IMMP1L: variants seen among roughly 807,000 people sequenced by gnomAD.
The protein encoded by IMMP1L is inner mitochondrial membrane peptidase subunit 1.
In IMMP1L, 24 loss-of-function variants were observed where a neutral mutation model predicts 21.8. The ratio of observed to expected loss-of-function variants is 1.10; its 90% confidence interval spans 0.80 to 1.55. The LOEUF (loss-of-function observed/expected upper bound fraction) is 1.55. Among genes scored for constraint, IMMP1L ranks in the 40% most tolerant of loss-of-function variants. IMMP1L has a pLI of 0.00. For missense variants in IMMP1L, 195 were observed against 200.7 expected (o/e 0.97, Z 0.17); for synonymous variants, 46 against 62.8 (o/e 0.73, Z 1.26).
chr11:31,448,173 G>T (rs1953602393), intron 4 of IMMP1L, among the ~76,000 whole-genome samples: 1 of 152,176 alleles, frequency 6.6e-6, no homozygotes, highest in Non-Finnish European at 1.5e-5. Flanking sequence ...GCCGGGCATG[G>T]TGGCAAGCGC....
rs1401444522 is a variant in IMMP1L, at chr11:31,455,292, G to T, written c.321+968C>A. Among the ~76,000 whole-genome samples the T allele has an allele frequency of 2.0e-5, 3 of 152,132 alleles. No individual in the cohort carries two copies. In the East Asian group the frequency reaches 5.8e-4, roughly 29 times the overall value. ...AGATAATGTTAGTTAACAAACAGCT[G>T]CATTAATAATTTGATAGTGACACAG... On this transcript the variant is annotated intron_variant, in intron 4 of 5. Coordinates refer to ENST00000532287, the MANE Select transcript of IMMP1L (RefSeq NM_001304274.2).
chr11:31,453,092 C>A (rs767437170), intron 4 of IMMP1L: 85 of 1,289,174 alleles, frequency 6.6e-5, no homozygotes, highest in Non-Finnish European at 8.4e-5. Context: ...TTTCCAAATA[C>A]CTAACAGTAA....
chr11:31,500,608 CACAA>C (rs1422237800), intron 1 of IMMP1L, among the ~76,000 whole-genome samples: 2,584 of 149,556 alleles, frequency 0.017, 56 homozygotes, highest in African/African-American at 0.054. Flanking sequence ...CACACACACA[CACAA>C]ACACACACAC....
intron 1 of IMMP1L, among the ~76,000 whole-genome samples, chr11:31,465,173 G>A (rs1401678658): frequency 6.6e-6 from 1 of 151,528 alleles, no homozygotes; most frequent in East Asian, 1.9e-4. Flanking sequence ...AAATCAATGG[G>A]ATCAATAAAG....
chr11:31,472,490 C>G (rs570766906), intron 1 of IMMP1L, among the ~76,000 whole-genome samples: 1 of 152,282 alleles, frequency 6.6e-6, no homozygotes, highest in East Asian at 1.9e-4. Flanking sequence ...CAGTCATTTA[C>G]TACTTTGTGT....
intron 3 of IMMP1L, among the ~76,000 whole-genome samples, chr11:31,460,134 G>A (rs1476221143): frequency 1.3e-5 from 2 of 151,986 alleles, no homozygotes; most frequent in East Asian, 1.9e-4. Flanking sequence ...TCCAGCCTGG[G>A]AGCCAGAGCA....
chr11:31,441,996 AGACT>A (rs1173352376), intron 4 of IMMP1L, among the ~76,000 whole-genome samples: 1 of 152,186 alleles, frequency 6.6e-6, no homozygotes, highest in Non-Finnish European at 1.5e-5. Context: ...TGAATGCATA[AGACT>A]GAATATATGA....
chr11:31,477,152 T>A (rs556317667), intron 1 of IMMP1L: 1 of 152,296 alleles, frequency 6.6e-6, no homozygotes, highest in African/African-American at 2.4e-5. Context: ...ATTTCATCAG[T>A]AGCAACTGAA....
intron 1 of IMMP1L, among the ~76,000 whole-genome samples, chr11:31,479,892 T>C (rs994604314): frequency 6.6e-6 from 1 of 151,996 alleles, no homozygotes; most frequent in African/African-American, 2.4e-5. Flanking sequence ...TAGATAAGCT[T>C]AGTAAAGAAA....
At chr11:31,485,441 T>A (rs926363025) in intron 1 of IMMP1L, among the ~76,000 whole-genome samples, 11 of 151,846 alleles carry the variant, frequency 7.2e-5, no homozygotes, top group African/African-American at 2.7e-4. Context: ...GTTGCATATA[T>A]ATTAGACAGA....
chr11:31,444,464 A>G (rs1953446260), intron 4 of IMMP1L, among the ~76,000 whole-genome samples: 1 of 152,210 alleles, frequency 6.6e-6, no homozygotes, highest in Non-Finnish European at 1.5e-5. Context: ...CTTGAATCCA[A>G]TATAATTAAA....
chr11:31,463,235 G>T lies in IMMP1L; in HGVS notation c.42C>A (p.Gly14=). 6.2e-7 allele frequency: 1 copy of T among 1,612,610 alleles called. No homozygotes were observed. Among genetic ancestry groups the T allele is most frequent in the Non-Finnish European group, 8.5e-7 (1 of 1,179,236 alleles). The change falls in exon 2 of 6, where the codon GGC becomes GGA. Residue 14 remains glycine, a synonymous_variant. Transcript: ENST00000532287. ...CTATACAGCCATATTGAATAGTATA[G>T]CCAACAAGTCGAAAGGTTTTCCCCA... ...GVLGKTFRLV[G]YTIQYGCIAH...
chr11:31,480,652 T>A (rs1954864754), intron 1 of IMMP1L, among the ~76,000 whole-genome samples: 1 of 152,058 alleles, frequency 6.6e-6, no homozygotes, highest in Non-Finnish European at 1.5e-5. Flanking sequence ...TGAATAAAAT[T>A]TAAATCAATT....
chr11:31,433,255 T>A (rs1952983642), intron 5 of IMMP1L, among the ~76,000 whole-genome samples: 1 of 152,192 alleles, frequency 6.6e-6, no homozygotes, highest in Non-Finnish European at 1.5e-5. Context: ...TAAGGTAGTT[T>A]GGATTTTATT....
intron 1 of IMMP1L, among the ~76,000 whole-genome samples, chr11:31,497,328 T>C (rs1383594841): frequency 6.6e-6 from 1 of 152,156 alleles, no homozygotes; most frequent in Non-Finnish European, 1.5e-5. Context: ...TTAACAAGAA[T>C]ATAGTATGAT....
intron 1 of IMMP1L, among the ~76,000 whole-genome samples, chr11:31,473,155 T>C (rs1954623628): frequency 6.6e-6 from 1 of 152,186 alleles, no homozygotes; most frequent in African/African-American, 2.4e-5. Context: ...GTTCACGCCA[T>C]TCTCCTGCCT....
At chr11:31,483,787 T>A (rs1954978782) in intron 1 of IMMP1L, among the ~76,000 whole-genome samples, 1 of 151,962 alleles carries the variant, frequency 6.6e-6, no homozygotes, top group African/African-American at 2.4e-5. Context: ...TTGAAAACTA[T>A]CATTTTTTCA....
chr11:31,440,387 T>A (rs920427958), intron 4 of IMMP1L, among the ~76,000 whole-genome samples: 9 of 152,022 alleles, frequency 5.9e-5, no homozygotes, highest in African/African-American at 1.9e-4. Context: ...TTACATAATT[T>A]AAAAAAAACT....
rs1394151043 is a variant in IMMP1L at position 31,433,412 on chromosome 11, T to C, written c.432+48A>G. The C allele has an allele frequency of 3.6e-6, 4 of 1,117,250 alleles. No individual in the cohort carries two copies. The South Asian group carries it at 5.6e-5, about 16-fold the overall frequency. The allele number at this position is 1,117,250 out of a possible 1,614,324, so 69.2% of individuals were successfully genotyped here. A position where few individuals can be genotyped will look rare whatever the true frequency, so the allele number is the denominator to read the frequency against. On this transcript the variant is annotated intron_variant, in intron 5 of 5. Coordinates refer to ENST00000532287, the MANE Select transcript of IMMP1L (RefSeq NM_001304274.2). ...TTCAGAGATCATTTTGAGAGAAACT[T>C]TTTCTAGCTCAGAAAATAAACCTTA...
Sources: allele counts gnomAD v4.1 joint callset (sites outside exome capture counted in the v4.1 genomes callset), GRCh38; gene constraint gnomAD v4.1.1; transcripts MANE v1.5; gene names NCBI Gene and HGNC (gene_info 2026-07-23, HGNC 2026-07-21).